The following TJP1 variants were observed in gnomAD, a reference collection of about 807,000 sequenced individuals.
TJP1 encodes tight junction protein ZO-1.
A neutral mutation model predicts 194.2 loss-of-function variants in TJP1; 43 were observed. That is an observed-to-expected ratio of 0.22 (90% CI 0.17 to 0.29). The LOEUF (loss-of-function observed/expected upper bound fraction) is 0.29, where lower values mean the gene tolerates loss of function less well. Ranked by LOEUF, TJP1 falls within the 10% of genes least tolerant of loss-of-function variation. The pLI, the probability that TJP1 is intolerant of heterozygous loss-of-function variation, is 1.00. For synonymous variants in TJP1, 801 were observed against 779.0 expected, an observed-to-expected ratio of 1.03 and a Z score of -0.47; for missense variants, 1,971 against 2,185.7, an observed-to-expected ratio of 0.90 and a Z score of 1.96.
chr15:29,732,845 G>T, intron 13 of TJP1, 30 bp from the exon 14 acceptor site: 1 of 1,546,450 alleles, frequency 6.5e-7, no homozygotes. Flanking sequence ...ATTAAAATAA[G>T]GGCATTTAAA....
Position 29,748,357 on chromosome 15 carries a change from T to C in TJP1, c.1011-5576A>G, listed in dbSNP as rs180899003. ...TGACATGTGGCTACTGGCTATGGTG[T>C]TGGACTATGCAGATCTAGAGTTACA... On this transcript the variant is annotated intron_variant, in intron 8 of 27. Transcript: ENST00000614355. Among the ~76,000 whole-genome samples, 141 of 152,300 alleles carry C rather than the reference T, an allele frequency of 9.3e-4. 1 individual carries two copies. The highest frequency in any genetic ancestry group is 8.1e-3 in the Admixed American group (124 of 15,294).
chr15:29,827,170 C>A (rs58248967), upstream of TJP1, among the ~76,000 whole-genome samples: 2,599 of 152,306 alleles, frequency 0.017, 71 homozygotes, highest in African/African-American at 0.06. Flanking sequence ...TGAGGGTGAG[C>A]CTTTGGCCCA....
chr15:29,916,732 T>C (rs2054198825), intron 2 of TJP1, among the ~76,000 whole-genome samples: 1 of 152,230 alleles, frequency 6.6e-6, no homozygotes, highest in Non-Finnish European at 1.5e-5. Context: ...GATCCCACAT[T>C]TATAGAGCAA....
At chr15:29,716,237 A>ATCC (rs2042554145) in intron 23 of TJP1, among the ~76,000 whole-genome samples, 1 of 152,238 alleles carries the variant, frequency 6.6e-6, no homozygotes, top group Non-Finnish European at 1.5e-5. Context: ...CTCAAACAGG[A>ATCC]TCCTCCTCAC....
rs1003368172 is a variant in TJP1 at position 29,932,997 on chromosome 15, T to C, written c.306+23235A>G. Among the ~76,000 whole-genome samples, 12 of 152,172 alleles carry C rather than the reference T, an allele frequency of 7.9e-5. No individual in the cohort carries two copies. The South Asian group carries it at 8.3e-4, about 11-fold the overall frequency. ...TATGAATTTTGTAAAGATATCAAAA[T>C]ACACATTTGAAATATTTAATTAAAA... On this transcript the variant is annotated intron_variant, in intron 2 of 28. Coordinates refer to the TJP1 transcript ENST00000356107.
chr15:29,906,282 G>A (rs1357962070), intron 2 of TJP1, among the ~76,000 whole-genome samples: 1 of 151,892 alleles, frequency 6.6e-6, no homozygotes, highest in African/African-American at 2.4e-5. Flanking sequence ...AGACCAGCTT[G>A]GCCAATATGG....
chr15:29,796,471 A>G (rs1302195365), intron 2 of TJP1, among the ~76,000 whole-genome samples: 1 of 152,146 alleles, frequency 6.6e-6, no homozygotes, highest in African/African-American at 2.4e-5. Context: ...AACCTAACAA[A>G]AATGTGTGCA....
intron 2 of TJP1, among the ~76,000 whole-genome samples, chr15:29,869,336 G>A (rs2052413325): frequency 6.6e-6 from 1 of 152,104 alleles, no homozygotes; most frequent in Non-Finnish European, 1.5e-5. Flanking sequence ...GAGAGATACT[G>A]TTTATTTCAT....
chr15:29,787,247 G>A (rs2047757511), intron 2 of TJP1, among the ~76,000 whole-genome samples: 1 of 152,116 alleles, frequency 6.6e-6, no homozygotes, highest in African/African-American at 2.4e-5. Flanking sequence ...TTAACCACAT[G>A]CAAAATAATG....
intron 2 of TJP1, among the ~76,000 whole-genome samples, chr15:29,861,805 C>T (rs2052091552): frequency 6.6e-6 from 1 of 152,188 alleles, no homozygotes. Flanking sequence ...GTTCTCTTTA[C>T]TGACGGTATC....
At chr15:29,773,485 C>T (rs759706925) in intron 2 of TJP1, 128 bp from the exon 3 acceptor site, 2 of 827,378 alleles carry the variant, frequency 2.4e-6, no homozygotes, top group Non-Finnish European at 3.7e-6. Flanking sequence ...CATAAACACT[C>T]ACCTGCATGG....
chr15:29,944,285 C>T (rs569742602), intron 2 of TJP1, among the ~76,000 whole-genome samples: 8 of 151,674 alleles, frequency 5.3e-5, no homozygotes, highest in Non-Finnish European at 7.4e-5. Context: ...TTAGTAGAGA[C>T]GGGGTTTCAC....
At chr15:29,965,614 C>T (rs1259747306) in intron 1 of TJP1, among the ~76,000 whole-genome samples, 1 of 152,204 alleles carries the variant, frequency 6.6e-6, no homozygotes, top group Non-Finnish European at 1.5e-5. Context: ...TCAGGACCTA[C>T]ATCCTACTAT....
intron 1 of TJP1, among the ~76,000 whole-genome samples, chr15:29,818,742 TC>T (rs2050114258): frequency 6.7e-6 from 1 of 148,460 alleles, no homozygotes; most frequent in African/African-American, 2.5e-5. Flanking sequence ...GGTCTTGAAC[TC>T]CTGACGTCGT....
At chr15:29,709,078 A>G (rs753621977) in intron 24 of TJP1, 42 bp from the exon 25 acceptor site, 76 of 1,553,278 alleles carry the variant, frequency 4.9e-5, no homozygotes, top group Non-Finnish European at 6.5e-5. Context: ...TTCTGAAAAA[A>G]GTTATAATAG....
intron 2 of TJP1, among the ~76,000 whole-genome samples, chr15:29,903,049 G>C (rs1187908075): frequency 2.0e-5 from 3 of 151,984 alleles, no homozygotes; most frequent in Non-Finnish European, 4.4e-5. Flanking sequence ...GGCAAGCCCA[G>C]CCTCTATAAA....
chr15:29,734,784 C>T (rs1035827350), intron 11 of TJP1, among the ~76,000 whole-genome samples: 4 of 151,940 alleles, frequency 2.6e-5, no homozygotes, highest in African/African-American at 9.7e-5. Flanking sequence ...CCACACCCGG[C>T]CGAAAATATC....
intron 2 of TJP1, among the ~76,000 whole-genome samples, chr15:29,894,184 C>T (rs574740391): frequency 6.6e-5 from 10 of 152,214 alleles, no homozygotes; most frequent in African/African-American, 2.2e-4. Flanking sequence ...ATTGGCCAGG[C>T]GTGGTGGCTC....
rs1028362795 is a variant in TJP1 at position 29,820,100 on chromosome 15, AAG to A, written c.27+1900_27+1901del. ...AATCAAAAGCACTGGCTTATTAGACAAGAGTTTCCCAAACTATCATGCTAAAA... is the reference window on the plus strand; with the variant it reads ...AATCAAAAGCACTGGCTTATTAGACAAGTTTCCCAAACTATCATGCTAAAA... On this transcript the variant is annotated intron_variant, in intron 1 of 27. Coordinates refer to ENST00000614355, the MANE Select transcript of TJP1 (RefSeq NM_001330239.4). 3.3e-5 allele frequency among the ~76,000 whole-genome samples: 5 copies of A among 152,268 alleles called. No homozygotes were observed. In the East Asian group the frequency reaches 7.7e-4, roughly 23 times the overall value.
Sources: gnomAD v4.1 joint callset for allele counts (sites outside exome capture counted in the v4.1 genomes callset) on GRCh38, gnomAD v4.1.1 for gene constraint, MANE v1.5 for transcripts, NCBI Gene and HGNC (gene_info 2026-07-23, HGNC 2026-07-21) for gene names.